The following SYNE1 variants were observed in gnomAD, a reference collection of about 807,000 sequenced individuals.
SYNE1 encodes nesprin-1.
A neutral mutation model predicts 1,111.0 loss-of-function variants in SYNE1; 616 were observed. The observed-to-expected ratio is 0.55, with a 90% CI of 0.52 to 0.59. The LOEUF (loss-of-function observed/expected upper bound fraction) is 0.59, where lower values mean the gene tolerates loss of function less well. SYNE1 is among the 20% of genes least tolerant of loss of function. SYNE1 has a pLI of 0.00. For synonymous variants in SYNE1, 3,855 were observed against 3,825.8 expected (o/e 1.01, Z -0.28); for missense variants, 10,006 against 10,417.0 (o/e 0.96, Z 1.72).
chr6:152,360,078 T>C (rs933664603), intron 64 of SYNE1, among the ~76,000 whole-genome samples: 2 of 152,192 alleles, frequency 1.3e-5, no homozygotes. Flanking sequence ...TGTCCCTTAT[T>C]TCATGCTCCA....
intron 3 of SYNE1, among the ~76,000 whole-genome samples, chr6:152,573,199 T>C (rs1223639564): frequency 2.0e-5 from 3 of 152,088 alleles, no homozygotes; most frequent in Non-Finnish European, 4.4e-5. Flanking sequence ...ATTATTATTA[T>C]ACTTTAAGTT....
intron 86 of SYNE1, among the ~76,000 whole-genome samples, chr6:152,317,210 C>T (rs2095748883): frequency 2.0e-5 from 3 of 150,448 alleles, no homozygotes; most frequent in South Asian, 4.2e-4. Flanking sequence ...AATTATTCCT[C>T]TTTTTCTTTC....
At chr6:152,338,780 T>C (rs1201395888) in intron 75 of SYNE1, among the ~76,000 whole-genome samples, 1 of 152,128 alleles carries the variant, frequency 6.6e-6, no homozygotes, top group Non-Finnish European at 1.5e-5. Flanking sequence ...AGTTTCAAAA[T>C]CCTTCTGAAC....
At chr6:152,606,934 G>T (rs1402640545) in intron 3 of SYNE1, among the ~76,000 whole-genome samples, 1 of 149,690 alleles carries the variant, frequency 6.7e-6, no homozygotes, top group Non-Finnish European at 1.5e-5. Context: ...GATTACAGGC[G>T]TGAGCCACCG....
At position 152,401,453 on chromosome 6, in the gene SYNE1, T is replaced by C. The variant is rs913854218; in HGVS notation, c.6826-112A>G. ...TGTCAAAGCCACACAAGTCTCATCA[T>C]GGAAGCCAGCTCCAATGTTAATATG... On this transcript the variant is annotated intron_variant, in intron 46 of 145. Coordinates refer to ENST00000367255, the MANE Select transcript of SYNE1 (RefSeq NM_182961.4). 28 of 1,062,142 alleles carry C rather than the reference T, an allele frequency of 2.6e-5. 1 individual carries two copies. The highest frequency in any genetic ancestry group is 3.8e-5 in the Non-Finnish European group (27 of 708,878). The allele number at this position is 1,062,142 out of a possible 1,614,324, so 65.8% of individuals were successfully genotyped here. A position where few individuals can be genotyped will look rare whatever the true frequency, so the allele number is the denominator to read the frequency against.
Position 152,518,547 on chromosome 6 carries a change from A to G in SYNE1, c.309+1912T>C, listed in dbSNP as rs138289508. 1.5e-3 allele frequency among the ~76,000 whole-genome samples: 234 copies of G among 152,188 alleles called. 1 individual carries two copies. Among genetic ancestry groups the G allele is most frequent in the African/African-American group, 5.3e-3 (218 of 41,498 alleles). On this transcript the variant is annotated intron_variant, in intron 6 of 145. Coordinates refer to ENST00000367255, the MANE Select transcript of SYNE1 (RefSeq NM_182961.4). ...CTCTCCGGAAACTGATGCCAGAGCT[A>G]TGCTTCCTGAGCAGCCTGCAGAACC...
chr6:152,560,393 A>C (rs1336126101), intron 3 of SYNE1, among the ~76,000 whole-genome samples: 1 of 152,040 alleles, frequency 6.6e-6, no homozygotes, highest in Admixed American at 6.6e-5. Context: ...AAGAAGAAGA[A>C]ATAGAAAATC....
At chr6:152,390,259 C>T (rs1161540281) in intron 53 of SYNE1, 21 bp downstream of exon 53, 1 of 1,613,712 alleles carries the variant, frequency 6.2e-7, no homozygotes, top group Admixed American at 1.7e-5. Context: ...CTTAAACAAA[C>T]TCTAAAAATA....
At chr6:152,178,335 T>C (rs553191336) in intron 129 of SYNE1, among the ~76,000 whole-genome samples, 9 of 152,224 alleles carry the variant, frequency 5.9e-5, no homozygotes, top group Admixed American at 1.3e-4. Context: ...AATCACGCAC[T>C]GACAGCATTC....
intron 119 of SYNE1, among the ~76,000 whole-genome samples, chr6:152,220,473 G>T (rs1451881245): frequency 4.0e-5 from 6 of 150,584 alleles, no homozygotes; most frequent in African/African-American, 1.5e-4. Flanking sequence ...AGGAGTTAAT[G>T]AATGTAAATG....
At chr6:152,479,053 A>T (rs1454941337) in intron 14 of SYNE1, among the ~76,000 whole-genome samples, 1 of 152,174 alleles carries the variant, frequency 6.6e-6, no homozygotes, top group Non-Finnish European at 1.5e-5. Context: ...TAGGGCACAG[A>T]GGAGATGAAG....
chr6:152,169,561 C>CAA (rs371955068), intron 130 of SYNE1, among the ~76,000 whole-genome samples: 11,994 of 18,010 alleles, frequency 0.67, 4,283 homozygotes, highest in East Asian at 0.85. Flanking sequence ...GACTCCATCT[C>CAA]AAAAAAAAAA....
Position 152,151,821 on chromosome 6 carries a change from T to C in SYNE1, c.24313-131A>G, listed in dbSNP as rs1386037991. The C allele has an allele frequency of 3.0e-5, 45 of 1,489,510 alleles. 1 individual carries two copies. The South Asian group carries it at 3.4e-4, about 11-fold the overall frequency. The allele number at this position is 1,489,510 out of a possible 1,614,324, so 92.3% of individuals were successfully genotyped here. A position where few individuals can be genotyped will look rare whatever the true frequency, so the allele number is the denominator to read the frequency against. Reference sequence around the variant, plus strand: ...GCAAGCAATGAGAAGCCTGCAATCCTTTGCTATATCACTCCCCGGTTTACT... The same window carrying C: ...GCAAGCAATGAGAAGCCTGCAATCCCTTGCTATATCACTCCCCGGTTTACT... On this transcript the variant is annotated intron_variant, in intron 134 of 145. Transcript: ENST00000367255.
chr6:152,589,238 G>A (rs1168179335), intron 3 of SYNE1, among the ~76,000 whole-genome samples: 2 of 152,012 alleles, frequency 1.3e-5, no homozygotes, highest in African/African-American at 4.8e-5. Flanking sequence ...CCTTTTAGTG[G>A]CGATAATGGG....
chr6:152,347,287 T>C, intron 72 of SYNE1, 52 bp from the exon 73 acceptor site: 8 of 1,595,566 alleles, frequency 5.0e-6, no homozygotes, highest in Non-Finnish European at 1.7e-6. Context: ...TTTAAGTAAC[T>C]TATCCATCAA....
intron 11 of SYNE1, among the ~76,000 whole-genome samples, chr6:152,495,630 T>C (rs1240551762): frequency 6.6e-6 from 1 of 152,106 alleles, no homozygotes; most frequent in Non-Finnish European, 1.5e-5. Context: ...TGACTCATTC[T>C]GATTACCTGT....
intron 114 of SYNE1, 43 bp downstream of exon 114, chr6:152,231,348 G>A (rs774915939): frequency 2.8e-5 from 45 of 1,608,962 alleles, no homozygotes; most frequent in African/African-American, 8.0e-5. Context: ...CCTGTTCTTG[G>A]GGTTTTCATG....
In SYNE1 at chr6:152,362,151, T is replaced by C; in HGVS notation, c.10299+19A>G. ...GAAGCCTGTGAGAAAACACATGGAATCTGAAATCCAGCTCTCACCTTGGCT... is the reference window on the plus strand; with the variant it reads ...GAAGCCTGTGAGAAAACACATGGAACCTGAAATCCAGCTCTCACCTTGGCT... On this transcript the variant is annotated intron_variant, in intron 64 of 145. Transcript: ENST00000367255. 1 of 1,614,204 alleles carries C rather than the reference T, an allele frequency of 6.2e-7. No homozygotes were observed. The highest frequency in any genetic ancestry group is 8.5e-7 in the Non-Finnish European group (1 of 1,180,032).
At chr6:152,621,429 T>C (rs1455694671) in intron 3 of SYNE1, among the ~76,000 whole-genome samples, 1 of 152,200 alleles carries the variant, frequency 6.6e-6, no homozygotes, top group Non-Finnish European at 1.5e-5. Context: ...TTAGACACTC[T>C]TACTTTTAGA....
Sources: allele counts gnomAD v4.1 joint callset (sites outside exome capture counted in the v4.1 genomes callset), GRCh38; gene constraint gnomAD v4.1.1; transcripts MANE v1.5; gene names NCBI Gene and HGNC (gene_info 2026-07-23, HGNC 2026-07-21).